SOX5: variants seen among roughly 807,000 people sequenced by gnomAD.
The protein encoded by SOX5 is transcription factor SOX-5.
A neutral mutation model predicts 92.0 loss-of-function variants in SOX5; 9 were observed. The observed-to-expected ratio is 0.10, with a 90% CI of 0.06 to 0.17. SOX5 has a LOEUF of 0.17. SOX5 is among the 10% of genes least tolerant of loss of function. The pLI is 1.00. For synonymous variants in SOX5, 344 were observed against 336.3 expected, an observed-to-expected ratio of 1.02 and a Z score of -0.25; for missense variants, 642 against 944.5, an observed-to-expected ratio of 0.68 and a Z score of 4.20.
intron 2 of SOX5, among the ~76,000 whole-genome samples, chr12:24,313,616 C>A (rs1013560874): frequency 6.6e-6 from 1 of 152,164 alleles, no homozygotes; most frequent in Non-Finnish European, 1.5e-5. Context: ...ATGAACTGAT[C>A]ACTCGTGCTC....
At chr12:23,745,818 T>C (rs1050535401) in intron 4 of SOX5, among the ~76,000 whole-genome samples, 1 of 152,176 alleles carries the variant, frequency 6.6e-6, no homozygotes, top group Non-Finnish European at 1.5e-5. Flanking sequence ...TATTATCTTA[T>C]GTTCACATTT....
At position 24,433,905 on chromosome 12, in the gene SOX5, T is replaced by C. The variant is rs532636178; in HGVS notation, c.-250-65266A>G. On this transcript the variant is annotated intron_variant, in intron 1 of 4. Coordinates refer to the SOX5 transcript ENST00000446891. ...GAATGGGATTGACCAGAAAGGAACA[T>C]GTCAAATAGCAAGAGAGCTAGGCTT... is the stretch of plus-strand genomic sequence containing the variant. 8.5e-5 allele frequency among the ~76,000 whole-genome samples: 13 copies of C among 152,140 alleles called. No individual in the cohort carries two copies. The South Asian group carries it at 2.7e-3, about 32-fold the overall frequency.
intron 6 of SOX5, among the ~76,000 whole-genome samples, chr12:23,726,556 C>T (rs1216787991): frequency 2.0e-5 from 3 of 152,088 alleles, no homozygotes; most frequent in Non-Finnish European, 4.4e-5. Context: ...CCAAATCTTT[C>T]TGTTGTTGTT....
At chr12:24,454,705 A>G (rs576253281) in intron 1 of SOX5, among the ~76,000 whole-genome samples, 1 of 152,214 alleles carries the variant, frequency 6.6e-6, no homozygotes, top group Admixed American at 6.5e-5. Flanking sequence ...TGTAATGAGT[A>G]AAATTATATG....
intron 3 of SOX5, among the ~76,000 whole-genome samples, chr12:24,247,180 G>A (rs537801780): frequency 6.6e-6 from 1 of 152,122 alleles, no homozygotes; most frequent in African/African-American, 2.4e-5. Flanking sequence ...ACATCAACAG[G>A]GGGAATAAAA....
chr12:24,120,605 A>G (rs1204730094), intron 4 of SOX5, among the ~76,000 whole-genome samples: 1 of 152,240 alleles, frequency 6.6e-6, no homozygotes, highest in Non-Finnish European at 1.5e-5. Flanking sequence ...GACTTCAAAA[A>G]TAAAGCATTC....
intron 5 of SOX5, among the ~76,000 whole-genome samples, chr12:23,739,314 T>C (rs1204824753): frequency 2.0e-5 from 3 of 152,204 alleles, no homozygotes; most frequent in Admixed American, 2.0e-4. Flanking sequence ...CCAATTTTTT[T>C]TAACTAATAG....
At chr12:24,199,319 A>G (rs1189690200) in intron 4 of SOX5, among the ~76,000 whole-genome samples, 1 of 152,210 alleles carries the variant, frequency 6.6e-6, no homozygotes, top group African/African-American at 2.4e-5. Context: ...AAATGTATCA[A>G]TATCTAAGTC....
At chr12:23,560,194 A>C (rs1288390696) in intron 11 of SOX5, among the ~76,000 whole-genome samples, 2 of 152,116 alleles carry the variant, frequency 1.3e-5, no homozygotes, top group African/African-American at 2.4e-5. Context: ...CAGGCGTTTG[A>C]GTCACCGTGC....
chr12:23,888,853 C>T (rs1002556542), intron 2 of SOX5, among the ~76,000 whole-genome samples: 3 of 152,116 alleles, frequency 2.0e-5, no homozygotes, highest in Non-Finnish European at 4.4e-5. Context: ...CCATAAAAAA[C>T]AAATACTCGC....
intron 4 of SOX5, among the ~76,000 whole-genome samples, chr12:24,179,071 T>C (rs1204033891): frequency 6.6e-6 from 1 of 152,250 alleles, no homozygotes; most frequent in African/African-American, 2.4e-5. Flanking sequence ...ATCAGCGGGC[T>C]TGTTACCTCT....
chr12:24,159,549 A>T (rs1417062279), intron 4 of SOX5, among the ~76,000 whole-genome samples: 3 of 151,954 alleles, frequency 2.0e-5, no homozygotes, highest in Admixed American at 6.6e-5. Context: ...TTCCCAATGA[A>T]CTCATTATCC....
At chr12:23,616,072 C>T (rs911066373) in intron 8 of SOX5, among the ~76,000 whole-genome samples, 1 of 152,050 alleles carries the variant, frequency 6.6e-6, no homozygotes, top group African/African-American at 2.4e-5. Flanking sequence ...AGGAGAGGTA[C>T]AATGAGGGTT....
intron 2 of SOX5, among the ~76,000 whole-genome samples, chr12:23,892,290 TAG>T (rs1179086506): frequency 6.6e-6 from 1 of 151,882 alleles, no homozygotes; most frequent in African/African-American, 2.4e-5. Context: ...CATGTGAAAA[TAG>T]AGAGTTTTCC....
At chr12:23,788,816 ACCATGTG>A (rs1365129548) in intron 3 of SOX5, among the ~76,000 whole-genome samples, 2 of 152,006 alleles carry the variant, frequency 1.3e-5, no homozygotes. Context: ...TTAAGCACAT[ACCATGTG>A]CCACACAGCA....
intron 4 of SOX5, among the ~76,000 whole-genome samples, chr12:24,045,423 G>A (rs1295999311): frequency 6.6e-6 from 1 of 152,010 alleles, no homozygotes; most frequent in Admixed American, 6.6e-5. Flanking sequence ...TCAGCCTCCC[G>A]AGTAGCTGGG....
intron 1 of SOX5, among the ~76,000 whole-genome samples, chr12:24,471,066 T>TTTCC (rs752049381): frequency 2.6e-5 from 4 of 152,212 alleles, no homozygotes; most frequent in Non-Finnish European, 5.9e-5. Context: ...CTTTGCGGAT[T>TTTCC]ATCATGCTTT....
intron 2 of SOX5, among the ~76,000 whole-genome samples, chr12:24,301,236 A>G (rs974743993): frequency 1.3e-5 from 2 of 152,220 alleles, no homozygotes; most frequent in Non-Finnish European, 2.9e-5. Flanking sequence ...TCAAGAGACA[A>G]TCTCATTCTC....
intron 6 of SOX5, among the ~76,000 whole-genome samples, chr12:23,730,501 T>C (rs2093350578): frequency 2.0e-5 from 3 of 152,166 alleles, no homozygotes; most frequent in Admixed American, 2.0e-4. Context: ...GTAAACTGAT[T>C]TATGATATTG....
Sources: allele counts gnomAD v4.1 joint callset (sites outside exome capture counted in the v4.1 genomes callset), GRCh38; gene constraint gnomAD v4.1.1; transcripts MANE v1.5; gene names NCBI Gene and HGNC (gene_info 2026-07-23, HGNC 2026-07-21).